Variants in ITIH5 observed in about 807,000 individuals in gnomAD.
ITIH5 encodes inter-alpha-trypsin inhibitor heavy chain H5.
In ITIH5, 65 loss-of-function variants were observed where a neutral mutation model predicts 77.5. The observed-to-expected ratio is 0.84, with a 90% CI of 0.69 to 1.03. The LOEUF is 1.03. Among genes scored for constraint, ITIH5 ranks in the 50% least tolerant of loss-of-function variants. The probability of loss-of-function intolerance (pLI) is 0.00; values close to 1 mark genes in which losing one functional copy is unlikely to be tolerated. For synonymous variants in ITIH5, 525 were observed against 494.3 expected (o/e 1.06, Z -0.82); for missense variants, 1,208 against 1,213.1 (o/e 1.00, Z 0.06).
chr10:7,624,805 A>ATG (rs1588408713), intron 5 of ITIH5, among the ~76,000 whole-genome samples: 1 of 121,328 alleles, frequency 8.2e-6, no homozygotes, highest in East Asian at 2.5e-4. Context: ...AAAAATATAT[A>ATG]TATATATACA....
At chr10:7,632,204 T>A (rs953117839) in intron 5 of ITIH5, among the ~76,000 whole-genome samples, 1 of 152,224 alleles carries the variant, frequency 6.6e-6, no homozygotes, top group Non-Finnish European at 1.5e-5. Context: ...CAACCTTTAC[T>A]GAGCATCTGA....
intron 7 of ITIH5, among the ~76,000 whole-genome samples, chr10:7,608,497 C>G (rs10752114): frequency 0.97 from 146,997 of 151,920 alleles, 71,244 homozygotes; most frequent in Middle Eastern, 1. Flanking sequence ...TGCCCAGCCT[C>G]GTCTCGAACT....
intron 2 of ITIH5, among the ~76,000 whole-genome samples, chr10:7,649,219 T>C (rs778789596): frequency 1.3e-5 from 2 of 150,310 alleles, no homozygotes; most frequent in African/African-American, 2.5e-5. Context: ...TTCTCCTCTT[T>C]CTTCTTTCTT....
chr10:7,592,593 C>A (rs1424011481), intron 7 of ITIH5, among the ~76,000 whole-genome samples: 3 of 152,086 alleles, frequency 2.0e-5, no homozygotes, highest in African/African-American at 4.8e-5. Context: ...CACAGCCCAG[C>A]CCTTGAGAAC....
At chr10:7,627,191 G>A (rs1457348065) in intron 5 of ITIH5, among the ~76,000 whole-genome samples, 3 of 151,988 alleles carry the variant, frequency 2.0e-5, no homozygotes, top group Non-Finnish European at 2.9e-5. Context: ...ATACATGCGG[G>A]GCTTAAAACC....
In ITIH5 at chr10:7,652,782, G is replaced by A. The variant is rs565381350; in HGVS notation, c.135+2849C>T. On this transcript the variant is annotated intron_variant, in intron 2 of 13. Transcript: ENST00000397146. ...AGAAAGTTAATAAATGATAGATTCA[G>A]AGAGGCATTCTTCCAGTTTAGAAGA... 2.0e-5 allele frequency among the ~76,000 whole-genome samples: 3 copies of A among 152,184 alleles called. No homozygotes were observed. The South Asian group carries it at 6.2e-4, about 32-fold the overall frequency.
chr10:7,610,079 T>A (rs1447069715), intron 7 of ITIH5, among the ~76,000 whole-genome samples: 1 of 147,748 alleles, frequency 6.8e-6, no homozygotes, highest in Non-Finnish European at 1.5e-5. Flanking sequence ...CTTTTTTTTT[T>A]TTTTTTTTGG....
intron 7 of ITIH5, among the ~76,000 whole-genome samples, chr10:7,614,376 T>C (rs1464224402): frequency 6.6e-6 from 1 of 152,236 alleles, no homozygotes; most frequent in Non-Finnish European, 1.5e-5. Flanking sequence ...AAAACAAGCT[T>C]GTCCAACCCC....
At chr10:7,644,347 C>A (rs201100688) in intron 2 of ITIH5, among the ~76,000 whole-genome samples, 2,376 of 144,320 alleles carry the variant, frequency 0.016, 40 homozygotes, top group Non-Finnish European at 0.025. Flanking sequence ...TCACATATAT[C>A]ACATATATAT....
chr10:7,666,101 A>C (rs1834356866), intron 1 of ITIH5, among the ~76,000 whole-genome samples: 1 of 152,258 alleles, frequency 6.6e-6, no homozygotes, highest in Non-Finnish European at 1.5e-5. Flanking sequence ...GCCATGTTGC[A>C]CATTAGCTCT....
intron 7 of ITIH5, among the ~76,000 whole-genome samples, chr10:7,600,054 G>C (rs533015151): frequency 2.4e-4 from 36 of 152,330 alleles, no homozygotes; most frequent in Non-Finnish European, 4.4e-4. Context: ...TAGCTACAGA[G>C]TCCAGAGCAG....
chr10:7,594,129 C>T (rs1832849388), intron 7 of ITIH5, among the ~76,000 whole-genome samples: 1 of 151,596 alleles, frequency 6.6e-6, no homozygotes, highest in South Asian at 2.1e-4. Flanking sequence ...TCAGAGGATG[C>T]CCAGAGAGGC....
chr10:7,628,711 A>T (rs879710245), intron 5 of ITIH5, among the ~76,000 whole-genome samples: 12,307 of 123,180 alleles, frequency 0.1, 1,016 homozygotes, highest in Non-Finnish European at 0.15. Context: ...GCGTGTGTCC[A>T]TGTTGTAGCG....
rs1833367628 is a variant in ITIH5 at position 7,616,381 on chromosome 10, C to T, written c.823-283G>A. On this transcript the variant is annotated intron_variant, in intron 6 of 13. Coordinates refer to ENST00000397146, the MANE Select transcript of ITIH5 (RefSeq NM_030569.7). ...CTTGGACTTTTGCTACTTGAGAATTCTGCTTCCTTCATTATGTTTTTTTTA... is the reference window on the plus strand; with the variant it reads ...CTTGGACTTTTGCTACTTGAGAATTTTGCTTCCTTCATTATGTTTTTTTTA... 1.3e-5 allele frequency among the ~76,000 whole-genome samples: 2 copies of T among 148,422 alleles called. 1 individual carries two copies. Among genetic ancestry groups the T allele is most frequent in the South Asian group, 4.2e-4 (2 of 4,748 alleles).
chr10:7,638,220 A>C (rs1295313843), intron 4 of ITIH5, among the ~76,000 whole-genome samples: 1 of 152,200 alleles, frequency 6.6e-6, no homozygotes, highest in Non-Finnish European at 1.5e-5. Context: ...AATTCAGGAC[A>C]CCACAAGATG....
chr10:7,604,100 A>T (rs1049499113), intron 7 of ITIH5, among the ~76,000 whole-genome samples: 1 of 152,160 alleles, frequency 6.6e-6, no homozygotes, highest in African/African-American at 2.4e-5. Context: ...GTAGATTATC[A>T]GAGTTCCTTG....
intron 12 of ITIH5, among the ~76,000 whole-genome samples, chr10:7,566,721 C>T (rs1277204872): frequency 5.2e-5 from 1 of 19,078 alleles, no homozygotes; most frequent in African/African-American, 2.0e-4. Flanking sequence ...GATCCTATCT[C>T]ATTAAAAAAA....
chr10:7,656,610 A>T (rs1588431868), intron 1 of ITIH5, among the ~76,000 whole-genome samples: 1 of 152,326 alleles, frequency 6.6e-6, no homozygotes, highest in Non-Finnish European at 1.5e-5. Flanking sequence ...GATGTTACTC[A>T]TGGCAAATCT....
chr10:7,655,252 T>C (rs1834161455), intron 2 of ITIH5, among the ~76,000 whole-genome samples: 1 of 152,222 alleles, frequency 6.6e-6, no homozygotes. Flanking sequence ...CCAACTTTCA[T>C]CACGTGATGC....
Sources: allele counts gnomAD v4.1 joint callset (sites outside exome capture counted in the v4.1 genomes callset), GRCh38; gene constraint gnomAD v4.1.1; transcripts MANE v1.5; gene names NCBI Gene and HGNC (gene_info 2026-07-23, HGNC 2026-07-21).